Variants in BRIP1 observed in about 807,000 individuals in gnomAD.
BRIP1 encodes BRCA1 interacting DNA helicase 1.
A neutral mutation model predicts 119.7 loss-of-function variants in BRIP1; 88 were observed. The ratio of observed to expected loss-of-function variants is 0.74; its 90% CI spans 0.62 to 0.88. BRIP1 has a LOEUF of 0.88. Among genes scored for constraint, BRIP1 ranks in the 40% least tolerant of loss-of-function variants. The pLI is 0.00. For missense variants in BRIP1, 1,259 were observed against 1,455.4 expected, an observed-to-expected ratio of 0.87 and a Z score of 2.20; for synonymous variants, 443 against 496.5, an observed-to-expected ratio of 0.89 and a Z score of 1.43.
rs764103452 is a variant in BRIP1, at chr17:61,743,512, A to C, written c.2258-378T>G. On this transcript the variant is annotated intron_variant, in intron 15 of 19. Transcript: ENST00000259008. This position sits in a 1 kb window ranked among gnomAD's most constrained non-coding sequence, Gnocchi z 4.3. ...TAAAATTCTCAGAATAATTGAAATAATTGTAATTGATAATACATATCATAT... is the reference window on the plus strand; with the variant it reads ...TAAAATTCTCAGAATAATTGAAATACTTGTAATTGATAATACATATCATAT... Among the ~76,000 whole-genome samples, 3 of 152,144 alleles carry C rather than the reference A, an allele frequency of 2.0e-5. No individual in the cohort carries two copies. The highest frequency in any genetic ancestry group is 4.4e-5 in the Non-Finnish European group (3 of 68,020).
chr17:61,856,694 A>T lies in BRIP1; in HGVS notation c.379+364T>A, dbSNP rs561854903. ...AGGCCAGGCAAACTTATCAAGAATG[A>T]ATCAATGAGGCTAATTAGATTTCGT... On this transcript the variant is annotated intron_variant, in intron 4 of 19. Coordinates refer to ENST00000259008, the MANE Select transcript of BRIP1 (RefSeq NM_032043.3). This position sits in a 1 kb window ranked among gnomAD's most constrained non-coding sequence, Gnocchi z 5.1. Among the ~76,000 whole-genome samples the T allele has an allele frequency of 4.6e-4, 70 of 152,332 alleles. 2 individuals are homozygous for T. The South Asian group carries it at 0.014, about 31-fold the overall frequency.
intron 6 of BRIP1, among the ~76,000 whole-genome samples, chr17:61,819,787 T>C (rs2078293572): frequency 6.6e-6 from 1 of 151,936 alleles, no homozygotes; most frequent in Non-Finnish European, 1.5e-5. Context: ...AAAAAGTAGT[T>C]AGAAAGAATA....
chr17:61,848,370 C>CA lies in BRIP1; in HGVS notation c.507+758_507+759insT, dbSNP rs1250974074. Among the ~76,000 whole-genome samples the CA allele has an allele frequency of 8.1e-5, 10 of 123,230 alleles. No homozygotes were observed. The highest frequency in any genetic ancestry group is 1.6e-4 in the Non-Finnish European group (9 of 56,520). 80.8% of individuals were successfully genotyped at this position (123,230 alleles called of 152,430 possible). On this transcript the variant is annotated intron_variant, in intron 5 of 19. Coordinates refer to ENST00000259008, the MANE Select transcript of BRIP1 (RefSeq NM_032043.3). This position sits in a 1 kb window ranked among gnomAD's most constrained non-coding sequence, Gnocchi z 4.3. Reference sequence around the variant, plus strand: ...CCTGTAGGGCTCATGCCACCACACCCGGTCTTTTTTTTTACTTTTTTGTGG... The same window carrying CA: ...CCTGTAGGGCTCATGCCACCACACCCAGGTCTTTTTTTTTACTTTTTTGTGG...
At chr17:61,715,172 C>T (rs2061841221) in intron 17 of BRIP1, among the ~76,000 whole-genome samples, 1 of 151,088 alleles carries the variant, frequency 6.6e-6, no homozygotes, top group Non-Finnish European at 1.5e-5. Context: ...TGCACTCCAG[C>T]CTGGGCAACA....
rs2061310251 is a variant in BRIP1, at chr17:61,683,694, T to C, written c.3352A>G (p.Asn1118Asp). The C allele has an allele frequency of 6.2e-7, 1 of 1,613,988 alleles. No individual in the cohort carries two copies. Among genetic ancestry groups the C allele is most frequent in the Non-Finnish European group, 8.5e-7 (1 of 1,179,984 alleles). The change falls in exon 20 of 20, where the codon AAT becomes GAT. Residue 1118 changes from asparagine to aspartate, a missense_variant. By Grantham distance (23) the Asn-to-Asp change is conservative (BLOSUM62 1). This residue lies in a region of BRIP1 where 753 missense variants were observed against 891.8 expected (regional missense o/e 0.84). Coordinates refer to ENST00000259008, the MANE Select transcript of BRIP1 (RefSeq NM_032043.3). This position sits in a 1 kb window ranked among gnomAD's most constrained non-coding sequence, Gnocchi z 4.7. ...VSEEDKQSTS[N>D]RDFETEAEDE... The stretch of plus-strand genomic sequence containing the variant: ...TCTGCTTCTGTTTCAAAATCTCTAT[T>C]TGAAGTGGACTGTTTATCTTCTTCA...
In BRIP1 at chr17:61,828,055, G is replaced by A. The variant is rs1244250760; in HGVS notation, c.627+19046C>T. 6.6e-6 allele frequency among the ~76,000 whole-genome samples: 1 copy of A among 152,070 alleles called. No homozygotes were observed. Among genetic ancestry groups the A allele is most frequent in the South Asian group, 2.1e-4 (1 of 4,820 alleles). ...ATATGGTCCAGAAATTCCACTCTTA[G>A]GTGTATACCCAAACGAATGAAAACA... On this transcript the variant is annotated intron_variant, in intron 6 of 19. Coordinates refer to ENST00000259008, the MANE Select transcript of BRIP1 (RefSeq NM_032043.3). The surrounding 1 kb of genome is among the most constrained non-coding windows in gnomAD (Gnocchi z 4.1).
chr17:61,802,269 T>C lies in BRIP1; in HGVS notation c.919-795A>G, dbSNP rs2078007446. 6.6e-6 allele frequency among the ~76,000 whole-genome samples: 1 copy of C among 152,174 alleles called. No homozygotes were observed. The highest frequency in any genetic ancestry group is 6.5e-5 in the Admixed American group (1 of 15,274). ...TTAGGTGAGGAGTTTGATACCAGCC[T>C]GGGCAATGTAGCAAAACCCTGTCTC... On this transcript the variant is annotated intron_variant, in intron 7 of 19. Coordinates refer to ENST00000259008, the MANE Select transcript of BRIP1 (RefSeq NM_032043.3). The surrounding 1 kb of genome is among the most constrained non-coding windows in gnomAD (Gnocchi z 6.0).
chr17:61,801,937 C>A (rs2078002607), intron 7 of BRIP1, among the ~76,000 whole-genome samples: 1 of 151,734 alleles, frequency 6.6e-6, no homozygotes, highest in Non-Finnish European at 1.5e-5. Flanking sequence ...GATAGTATTT[C>A]TTATTCAAAT....
At chr17:61,819,657 T>C (rs1361429680) in intron 6 of BRIP1, among the ~76,000 whole-genome samples, 3 of 152,102 alleles carry the variant, frequency 2.0e-5, no homozygotes, top group Admixed American at 2.0e-4. Flanking sequence ...TTCTCACTCA[T>C]TTGTGAGAGC....
intron 11 of BRIP1, among the ~76,000 whole-genome samples, chr17:61,781,307 A>T (rs2077616381): frequency 6.6e-6 from 1 of 152,182 alleles, no homozygotes; most frequent in African/African-American, 2.4e-5. Flanking sequence ...AAGCAGAATT[A>T]AAATCCAGGC....
In BRIP1 at chr17:61,687,805, A is replaced by G. The variant is rs2061383231; in HGVS notation, c.2576-1640T>C. 6.6e-6 allele frequency among the ~76,000 whole-genome samples: 1 copy of G among 152,146 alleles called. No individual in the cohort carries two copies. The highest frequency in any genetic ancestry group is 2.1e-4 in the South Asian group (1 of 4,826). ...GTGGCACCCTCTTGTCATGATCCCC[A>G]CTTCAGAATATACCTGGCTGCTTCT... On this transcript the variant is annotated intron_variant, in intron 18 of 19. Transcript: ENST00000259008. The surrounding 1 kb of genome is among the most constrained non-coding windows in gnomAD (Gnocchi z 5.1).
chr17:61,790,180 A>G (rs1409139611), intron 10 of BRIP1, among the ~76,000 whole-genome samples: 1 of 152,164 alleles, frequency 6.6e-6, no homozygotes, highest in African/African-American at 2.4e-5. Flanking sequence ...CTGTTCTTCA[A>G]CTTCATAAAA....
chr17:61,747,859 C>T (rs1051701078), intron 14 of BRIP1, among the ~76,000 whole-genome samples: 1 of 151,968 alleles, frequency 6.6e-6, no homozygotes, highest in African/African-American at 2.4e-5. Flanking sequence ...CTTCAGCCTC[C>T]CAAGTAGCTA....
intron 11 of BRIP1, among the ~76,000 whole-genome samples, chr17:61,781,920 CAAA>C (rs10710869): frequency 1.2e-4 from 16 of 128,734 alleles, no homozygotes; most frequent in African/African-American, 8.7e-5. Context: ...GACTCCATCT[CAAA>C]AAAAAAAAAA....
Position 61,742,415 on chromosome 17 carries a change from G to A in BRIP1, c.2379+598C>T, listed in dbSNP as rs1221331946. Among the ~76,000 whole-genome samples, 2 of 152,104 alleles carry A rather than the reference G, an allele frequency of 1.3e-5. No homozygotes were observed. Among genetic ancestry groups the A allele is most frequent in the Non-Finnish European group, 1.5e-5 (1 of 68,034 alleles). ...CATTCACAATATGGCTAATTGGTTGGTGCAAGAGGCCTAGCTTTTGTCTTG... is the reference window on the plus strand; with the variant it reads ...CATTCACAATATGGCTAATTGGTTGATGCAAGAGGCCTAGCTTTTGTCTTG... On this transcript the variant is annotated intron_variant, in intron 16 of 19. Transcript: ENST00000259008. The surrounding 1 kb of genome is among the most constrained non-coding windows in gnomAD (Gnocchi z 4.7).
rs1345146189 is a variant in BRIP1, at chr17:61,767,249, C to T, written c.2097+9152G>A. On this transcript the variant is annotated intron_variant, in intron 14 of 19. Transcript: ENST00000259008. This position sits in a 1 kb window ranked among gnomAD's most constrained non-coding sequence, Gnocchi z 5.7. ...AAATATAAGGGGGAAGAAATGACCA[C>T]TAAAATGTATGGTTTGAAAAACTTT... 6.6e-6 allele frequency among the ~76,000 whole-genome samples: 1 copy of T among 152,080 alleles called. No individual in the cohort carries two copies. The highest frequency in any genetic ancestry group is 2.4e-5 in the African/African-American group (1 of 41,400).
chr17:61,843,953 C>T lies in BRIP1; in HGVS notation c.627+3148G>A, dbSNP rs1458737386. 1.3e-5 allele frequency among the ~76,000 whole-genome samples: 2 copies of T among 151,526 alleles called. No individual in the cohort carries two copies. Among genetic ancestry groups the T allele is most frequent in the Non-Finnish European group, 2.9e-5 (2 of 67,918 alleles). On this transcript the variant is annotated intron_variant, in intron 6 of 19. Coordinates refer to ENST00000259008, the MANE Select transcript of BRIP1 (RefSeq NM_032043.3). This position sits in a 1 kb window ranked among gnomAD's most constrained non-coding sequence, Gnocchi z 5.7. The stretch of plus-strand genomic sequence containing the variant: ...TTTTATTTTTTTTTAGAGACAGGGT[C>T]TCGCTCTGTCACCCAGACTGGAGTA...
rs958368344 is a variant in BRIP1 at position 61,745,488 on chromosome 17, C to T, written c.2098-897G>A. Among the ~76,000 whole-genome samples the T allele has an allele frequency of 1.4e-4, 21 of 152,104 alleles. No individual in the cohort carries two copies. Among genetic ancestry groups the T allele is most frequent in the African/African-American group, 5.1e-4 (21 of 41,420 alleles). ...GGCTCAGGCAATCCCTCCACCTTAG[C>T]CTCCTGAGTAGCTGGGACTACAGGT... On this transcript the variant is annotated intron_variant, in intron 14 of 19. Transcript: ENST00000259008. The surrounding 1 kb of genome is among the most constrained non-coding windows in gnomAD (Gnocchi z 4.4).
At chr17:61,847,417 T>C (rs1269401992) in intron 5 of BRIP1, among the ~76,000 whole-genome samples, 197 bp from the exon 6 acceptor site, 1 of 152,194 alleles carries the variant, frequency 6.6e-6, no homozygotes, top group African/African-American at 2.4e-5. Flanking sequence ...TAGAACATAG[T>C]AGTGACTCAT....
Sources: gnomAD v4.1 joint callset for allele counts (sites outside exome capture counted in the v4.1 genomes callset) on GRCh38, gnomAD v4.1.1 for gene constraint, gnomAD v4.1.1 regional missense constraint, Gnocchi (gnomAD v3.1) non-coding constraint, MANE v1.5 for transcripts, NCBI Gene and HGNC (gene_info 2026-07-23, HGNC 2026-07-21) for gene names.